Variants in ZEB2 observed in about 807,000 individuals in gnomAD.
The protein encoded by ZEB2 is zinc finger E-box binding homeobox 2.
In ZEB2, 6 loss-of-function variants were observed where a neutral mutation model predicts 99.9. The observed-to-expected ratio is 0.06, with a 90% CI of 0.03 to 0.12. The LOEUF (loss-of-function observed/expected upper bound fraction) is 0.12. ZEB2 is among the 10% of genes least tolerant of loss of function. The pLI is 1.00. For synonymous variants in ZEB2, 517 were observed against 542.5 expected, an observed-to-expected ratio of 0.95 and a Z score of 0.65; for missense variants, 969 against 1,502.8, an observed-to-expected ratio of 0.64 and a Z score of 5.87.
chr2:144,473,160 A>G (rs1045441826), intron 2 of ZEB2, among the ~76,000 whole-genome samples: 3 of 152,174 alleles, frequency 2.0e-5, no homozygotes, highest in African/African-American at 7.2e-5. Context: ...AACATTGGCA[A>G]AGAAAAAGTA....
intron 4 of ZEB2, among the ~76,000 whole-genome samples, chr2:144,418,346 T>C (rs1476405340): frequency 6.6e-6 from 1 of 152,206 alleles, no homozygotes; most frequent in African/African-American, 2.4e-5. Context: ...GGAACCAGTA[T>C]GAATGGAGAA....
In ZEB2 at chr2:144,389,384, C is replaced by T. The variant is rs1012279489; in HGVS notation, c.*67G>A. 2 of 1,554,254 alleles carry T rather than the reference C, an allele frequency of 1.3e-6. No individual in the cohort carries two copies. Among genetic ancestry groups the T allele is most frequent in the Non-Finnish European group, 1.8e-6 (2 of 1,126,496 alleles). ...CACGTGCATGAACAGCTTAACACAGCAGTGTTTTCAAGCAGGTAACAATAC... is the reference window on the plus strand; with the variant it reads ...CACGTGCATGAACAGCTTAACACAGTAGTGTTTTCAAGCAGGTAACAATAC... On this transcript the variant is annotated 3_prime_UTR_variant, in exon 10 of 10. Coordinates refer to ENST00000627532, the MANE Select transcript of ZEB2 (RefSeq NM_014795.4). The surrounding 1 kb of genome is among the most constrained non-coding windows in gnomAD (Gnocchi z 6.8).
intron 2 of ZEB2, among the ~76,000 whole-genome samples, chr2:144,515,688 C>G (rs1030772322): frequency 6.6e-6 from 1 of 151,740 alleles, no homozygotes. Flanking sequence ...ACGTAACGAA[C>G]AGTTTCTGAC....
chr2:144,490,704 T>C (rs558723339), intron 2 of ZEB2, among the ~76,000 whole-genome samples: 1 of 152,276 alleles, frequency 6.6e-6, no homozygotes, highest in East Asian at 1.9e-4. Flanking sequence ...AATGAAGCTA[T>C]GGAAAGGAAA....
At chr2:144,447,036 A>C (rs547956160) in intron 2 of ZEB2, among the ~76,000 whole-genome samples, 22 of 152,068 alleles carry the variant, frequency 1.4e-4, no homozygotes, top group Non-Finnish European at 2.4e-4. Flanking sequence ...AAAAAAAAGA[A>C]TTAAGTTTAA....
At position 144,433,768 on chromosome 2, in the gene ZEB2, A is replaced by G. The variant is rs200875155; in HGVS notation, c.74-3742T>C. Among the ~76,000 whole-genome samples the G allele has an allele frequency of 4.0e-4, 61 of 152,320 alleles. 3 individuals are homozygous for G. The East Asian group carries it at 4.8e-3, about 12-fold the overall frequency. ...CACTATGCCAATTAATTTTACAGTC[A>G]TATGCAAAACAAATAATGGTTTCTC... On this transcript the variant is annotated intron_variant, in intron 2 of 9. Coordinates refer to ENST00000627532, the MANE Select transcript of ZEB2 (RefSeq NM_014795.4).
chr2:144,483,626 A>G, intron 2 of ZEB2, among the ~76,000 whole-genome samples: 1 of 152,220 alleles, frequency 6.6e-6, no homozygotes, highest in East Asian at 1.9e-4. Context: ...TTAGAGTGGG[A>G]GATGTGAAAA....
Position 144,399,749 on chromosome 2 carries a change from C to A in ZEB2, c.1438G>T (p.Ala480Ser), listed in dbSNP as rs143854197. ...CCTTTCAACTTTGAAATTTCTTCAG[C>A]CTTGCAGTCCATTTTTTGCCTGGAA... ...TVSRQKMDCK[A>S]EEISKLKGYH... Residue 480 changes from alanine (A) to serine (S), a missense_variant, in exon 8 of 10, where the codon GCT (alanine) becomes TCT (serine). This residue lies in a region of ZEB2 where 227 missense variants were observed against 278.2 expected (regional missense o/e 0.82). Coordinates refer to ENST00000627532, the MANE Select transcript of ZEB2 (RefSeq NM_014795.4). The surrounding 1 kb of genome is among the most constrained non-coding windows in gnomAD (Gnocchi z 5.6). 299 of 1,613,908 alleles carry A rather than the reference C, an allele frequency of 1.9e-4. 1 individual carries two copies. The African/African-American group carries it at 3.2e-3, about 17-fold the overall frequency.
At chr2:144,482,733 T>C (rs1163201237) in intron 2 of ZEB2, among the ~76,000 whole-genome samples, 1 of 144,458 alleles carries the variant, frequency 6.9e-6, no homozygotes, top group Non-Finnish European at 1.5e-5. Context: ...TTTATTTCTC[T>C]TTATATTTCT....
intron 3 of ZEB2, chr2:144,427,938 G>A (rs773756602): frequency 2.0e-5 from 3 of 152,154 alleles, no homozygotes; most frequent in Admixed American, 6.5e-5. Flanking sequence ...ATATTAAAAC[G>A]TTTAGAATTA....
chr2:144,512,869 C>A (rs145629193), intron 2 of ZEB2: 3 of 1,287,086 alleles, frequency 2.3e-6, no homozygotes, highest in South Asian at 1.2e-5. Context: ...ATCTTTGGAG[C>A]GCCCTCAGAA....
rs568537893 is a variant in ZEB2, at chr2:144,454,080, G to C, written c.74-24054C>G. ...CACAAATCTCTGTTGTTTTAAACTAGGATTTATAAACAAAGTATATTATGT... is the reference window on the plus strand; with the variant it reads ...CACAAATCTCTGTTGTTTTAAACTACGATTTATAAACAAAGTATATTATGT... On this transcript the variant is annotated intron_variant, in intron 2 of 9. Coordinates refer to ENST00000627532, the MANE Select transcript of ZEB2 (RefSeq NM_014795.4). 4.6e-5 allele frequency among the ~76,000 whole-genome samples: 7 copies of C among 152,144 alleles called. 1 individual carries two copies. The South Asian group carries it at 1.0e-3, about 23-fold the overall frequency.
intron 2 of ZEB2, chr2:144,511,785 C>A: frequency 1.6e-6 from 2 of 1,286,462 alleles, no homozygotes; most frequent in Non-Finnish European, 2.0e-6. Context: ...CTTCTGATTG[C>A]TAAAGACAGA....
chr2:144,409,147 C>T (rs575200112), intron 4 of ZEB2, among the ~76,000 whole-genome samples: 1 of 152,246 alleles, frequency 6.6e-6, no homozygotes, highest in East Asian at 1.9e-4. Context: ...TGACCACCTT[C>T]CTTAAATTCC....
At chr2:144,433,119 G>C (rs1703794893) in intron 2 of ZEB2, among the ~76,000 whole-genome samples, 1 of 152,100 alleles carries the variant, frequency 6.6e-6, no homozygotes, top group African/African-American at 2.4e-5. Flanking sequence ...AAAGAAGTGG[G>C]AGCCCAAAGA....
At chr2:144,415,174 A>G (rs1382222514) in intron 4 of ZEB2, among the ~76,000 whole-genome samples, 1 of 152,012 alleles carries the variant, frequency 6.6e-6, no homozygotes, top group African/African-American at 2.4e-5. Context: ...TCCATTTAAT[A>G]TTTAAGGATT....
intron 4 of ZEB2, among the ~76,000 whole-genome samples, chr2:144,415,332 T>C (rs563688351): frequency 4.3e-4 from 66 of 152,374 alleles, no homozygotes; most frequent in African/African-American, 1.6e-3. Flanking sequence ...AGTTATTAGT[T>C]AGCAGATATT....
intron 3 of ZEB2, chr2:144,429,529 G>A: frequency 1.7e-6 from 1 of 578,350 alleles, no homozygotes; most frequent in Non-Finnish European, 3.0e-6. Context: ...TGAAAGTGTG[G>A]TTCATGTTTG....
Position 144,398,710 on chromosome 2 carries a change from T to A in ZEB2, c.2477A>T (p.Glu826Val). The change falls in exon 8 of 10, where the codon GAA (glutamate) becomes GTA (valine). Residue 826 changes from glutamate (E) to valine (V), a missense_variant. Glu to Val is a moderately radical substitution (Grantham distance 121). Coordinates refer to ENST00000627532, the MANE Select transcript of ZEB2 (RefSeq NM_014795.4). The part of the protein sequence containing the change: ...LDLSLPKQMK[E>V]PKSIIATKNK... ...CTTTGTGGCTATAATACTTTTGGGTTCTTTCATTTGTTTTGGTAATGACAA... is the reference window on the plus strand; with the variant it reads ...CTTTGTGGCTATAATACTTTTGGGTACTTTCATTTGTTTTGGTAATGACAA... 1 of 1,614,184 alleles carries A rather than the reference T, an allele frequency of 6.2e-7. No homozygotes were observed. The highest frequency in any genetic ancestry group is 8.5e-7 in the Non-Finnish European group (1 of 1,180,032).
Sources: gnomAD v4.1 joint callset for allele counts (sites outside exome capture counted in the v4.1 genomes callset) on GRCh38, gnomAD v4.1.1 for gene constraint, gnomAD v4.1.1 regional missense constraint, Gnocchi (gnomAD v3.1) non-coding constraint, MANE v1.5 for transcripts, NCBI Gene and HGNC (gene_info 2026-07-23, HGNC 2026-07-21) for gene names.